The following PCDHGB4 variants were observed in gnomAD, a reference collection of about 807,000 sequenced individuals.
The protein encoded by PCDHGB4 is protocadherin gamma-B4.
PCDHGB4 carries 38 observed loss-of-function variants against 60.5 expected under a neutral mutation model. The observed-to-expected ratio is 0.63, with a 90% CI of 0.48 to 0.82. PCDHGB4 has a LOEUF of 0.82. Among genes scored for constraint, PCDHGB4 ranks in the 40% least tolerant of loss-of-function variants. The probability of loss-of-function intolerance (pLI) is 0.00; values close to 1 mark genes in which losing one functional copy is unlikely to be tolerated. For synonymous variants in PCDHGB4, 456 were observed against 509.7 expected (o/e 0.89, Z 1.42); for missense variants, 1,109 against 1,209.6 (o/e 0.92, Z 1.23).
At chr5:141,450,836 T>A (rs991599340) in intron 1 of PCDHGB4, among the ~76,000 whole-genome samples, 2 of 149,760 alleles carry the variant, frequency 1.3e-5, no homozygotes, top group African/African-American at 4.9e-5. Flanking sequence ...ATTATTTTTT[T>A]TTTTTTGAGA....
chr5:141,466,090 C>A (rs983505253), intron 1 of PCDHGB4, among the ~76,000 whole-genome samples: 2 of 152,068 alleles, frequency 1.3e-5, no homozygotes, highest in African/African-American at 4.8e-5. Context: ...CCACTGCACT[C>A]CAGCCTGGGC....
At chr5:141,392,127 A>G (rs2092470129) in intron 1 of PCDHGB4, 1 of 152,236 alleles carries the variant, frequency 6.6e-6, no homozygotes, top group Admixed American at 6.5e-5. Flanking sequence ...AGCTTGTAAA[A>G]TGATTAAGTA....
At chr5:141,414,342 C>A in intron 1 of PCDHGB4, 2 of 1,613,810 alleles carry the variant, frequency 1.2e-6, no homozygotes, top group East Asian at 2.2e-5. Flanking sequence ...TAACCTGTTC[C>A]ATTTTGGCGT....
At chr5:141,460,047 C>T (rs2098981053) in intron 1 of PCDHGB4, among the ~76,000 whole-genome samples, 1 of 152,102 alleles carries the variant, frequency 6.6e-6, no homozygotes. Context: ...CACTGCACTC[C>T]AGCCTGGGCA....
chr5:141,444,152 A>ATTTTTTTTT (rs747671382), intron 1 of PCDHGB4, among the ~76,000 whole-genome samples: 2 of 33,898 alleles, frequency 5.9e-5, no homozygotes, highest in Non-Finnish European at 5.2e-5. Context: ...TGTGTACTGG[A>ATTTTTTTTT]TTTTTTTTTT....
In PCDHGB4 at chr5:141,489,782, A is replaced by C. The variant is rs770399288; in HGVS notation, c.2398-5025A>C. On this transcript the variant is annotated intron_variant, in intron 1 of 3. Coordinates refer to ENST00000519479, the MANE Select transcript of PCDHGB4 (RefSeq NM_003736.4). The surrounding 1 kb of genome is among the most constrained non-coding windows in gnomAD (Gnocchi z 4.5). ...AGCCCCAACAGCCACTTCTCTCTGA[A>C]TGTGAAGACCCTAAAAGATGGGAAG... 2 of 1,614,078 alleles carry C rather than the reference A, an allele frequency of 1.2e-6. No homozygotes were observed. The highest frequency in any genetic ancestry group is 2.2e-5 in the East Asian group (1 of 44,894).
chr5:141,492,425 C>T (rs1243599547), intron 1 of PCDHGB4, among the ~76,000 whole-genome samples: 1 of 152,254 alleles, frequency 6.6e-6, no homozygotes, highest in Non-Finnish European at 1.5e-5. Flanking sequence ...CTCCGCCGGG[C>T]TCAGGAGTAC....
At chr5:141,418,530 G>C in intron 1 of PCDHGB4, 1 of 1,613,952 alleles carries the variant, frequency 6.2e-7, no homozygotes, top group Non-Finnish European at 8.5e-7. Flanking sequence ...CCCCGAAGCG[G>C]TACTGCTCAG....
intron 1 of PCDHGB4, among the ~76,000 whole-genome samples, chr5:141,471,118 A>G (rs58897068): frequency 0.11 from 15,938 of 141,604 alleles, 871 homozygotes; most frequent in South Asian, 0.16. Flanking sequence ...GTGCGATCTT[A>G]CCTTCACTGC....
chr5:141,410,104 C>G, intron 1 of PCDHGB4: 1 of 1,612,582 alleles, frequency 6.2e-7, no homozygotes, highest in Non-Finnish European at 8.5e-7. Context: ...CCTTAGGCGA[C>G]AGGGACGCAG....
chr5:141,462,354 C>T (rs1157515386), intron 1 of PCDHGB4, among the ~76,000 whole-genome samples: 1 of 152,162 alleles, frequency 6.6e-6, no homozygotes, highest in Non-Finnish European at 1.5e-5. Flanking sequence ...CAAAAATATA[C>T]ATTGTATAGT....
At position 141,486,141 on chromosome 5, in the gene PCDHGB4, G is replaced by A. The variant is rs369317501; in HGVS notation, c.2398-8666G>A. 28 of 1,614,066 alleles carry A rather than the reference G, an allele frequency of 1.7e-5. No homozygotes were observed. The highest frequency in any genetic ancestry group is 2.3e-5 in the Non-Finnish European group (27 of 1,180,044). On this transcript the variant is annotated intron_variant, in intron 1 of 3. Transcript: ENST00000519479. This position sits in a 1 kb window ranked among gnomAD's most constrained non-coding sequence, Gnocchi z 5.0. ...TACTATGAATTTGATGTGCGGGCTC[G>A]CGATGGGGGTTCTCCAGCCATGGAG...
chr5:141,418,439 T>C (rs1284999606), intron 1 of PCDHGB4: 1 of 1,613,812 alleles, frequency 6.2e-7, no homozygotes, highest in Non-Finnish European at 8.5e-7. Flanking sequence ...ATATCCAGAA[T>C]TAGTATTGCA....
At chr5:141,398,550 A>G (rs1390355431) in intron 1 of PCDHGB4, 2 of 1,613,816 alleles carry the variant, frequency 1.2e-6, no homozygotes, top group Non-Finnish European at 1.7e-6. Context: ...TTGAGCTGCA[A>G]ATAAGTGAGT....
intron 1 of PCDHGB4, chr5:141,430,960 C>T (rs2097330619): frequency 6.2e-7 from 1 of 1,612,432 alleles, no homozygotes; most frequent in Non-Finnish European, 8.5e-7. Context: ...TCCGCATCAT[C>T]CCCAGAGGTA....
chr5:141,402,871 A>G, intron 1 of PCDHGB4: 1 of 1,452,626 alleles, frequency 6.9e-7, no homozygotes, highest in Non-Finnish European at 9.1e-7. Context: ...AAAGATCACC[A>G]TACTTTGCAG....
In PCDHGB4 at chr5:141,389,714, C is replaced by T. The variant is rs771532940; in HGVS notation, c.1830C>T (p.Ser610=). Reference sequence around the variant, plus strand: ...TGTCCTACCACGTGCTGCAGGCTAGCGAGCCCGGGCTCTTCAGCCTGGGGC... The same window carrying T: ...TGTCCTACCACGTGCTGCAGGCTAGTGAGCCCGGGCTCTTCAGCCTGGGGC... ...AWLSYHVLQA[S]EPGLFSLGLR... is the part of the protein sequence containing the mutation. Residue 610 remains serine (S), a synonymous_variant, in exon 1 of 4, where the codon AGC becomes AGT. Transcript: ENST00000519479. 9 of 1,612,418 alleles carry T rather than the reference C, an allele frequency of 5.6e-6. No individual in the cohort carries two copies. In the Admixed American group the frequency reaches 1.2e-4, roughly 21 times the overall value.
chr5:141,409,178 G>C, intron 1 of PCDHGB4: 1 of 1,613,994 alleles, frequency 6.2e-7, no homozygotes, highest in Non-Finnish European at 8.5e-7. Context: ...GGACGGAGGT[G>C]GTCTCTCTAC....
rs1426255577 is a variant in PCDHGB4, at chr5:141,512,797, TG to T, written c.*1625del. 6.6e-6 allele frequency: 1 copy of T among 152,300 alleles called. No homozygotes were observed. Among genetic ancestry groups the T allele is most frequent in the African/African-American group, 2.4e-5 (1 of 41,444 alleles). The allele number at this position is 152,300 out of a possible 1,614,324, so 9.4% of individuals were successfully genotyped here. On this transcript the variant is annotated 3_prime_UTR_variant, in exon 4 of 4. Transcript: ENST00000519479. ...GCGGCCCGTGTTGTGTTTTGTGCTGTGTCCACGCGCTAAGGCGACCCCCTCC... is the reference window on the plus strand; with the variant it reads ...GCGGCCCGTGTTGTGTTTTGTGCTGTTCCACGCGCTAAGGCGACCCCCTCC...
Sources: gnomAD v4.1 joint callset for allele counts (sites outside exome capture counted in the v4.1 genomes callset) on GRCh38, gnomAD v4.1.1 for gene constraint, Gnocchi (gnomAD v3.1) non-coding constraint, MANE v1.5 for transcripts, NCBI Gene and HGNC (gene_info 2026-07-23, HGNC 2026-07-21) for gene names.